The following KRT86 variants were observed in gnomAD, a reference collection of about 807,000 sequenced individuals.
The protein encoded by KRT86 is keratin, type II cuticular Hb6.
A neutral mutation model predicts 41.2 loss-of-function variants in KRT86; 30 were observed. The ratio of observed to expected loss-of-function variants is 0.73; its 90% confidence interval spans 0.54 to 0.99. The LOEUF (loss-of-function observed/expected upper bound fraction) is 0.99. Ranked by LOEUF, KRT86 falls within the 50% of genes least tolerant of loss-of-function variation. KRT86 has a pLI of 0.00. For synonymous variants in KRT86, 238 were observed against 238.1 expected, an observed-to-expected ratio of 1.00 and a Z score of 0.00; for missense variants, 561 against 571.4, an observed-to-expected ratio of 0.98 and a Z score of 0.19.
At position 52,302,078 on chromosome 12, in the gene KRT86, T is replaced by C. The variant is rs925276981; in HGVS notation, c.162T>C (p.Phe54=). The change falls in exon 3 of 11, where the codon TTT becomes TTC. Residue 54 remains phenylalanine (F), a synonymous_variant. Coordinates refer to ENST00000423955, the MANE Select transcript of KRT86 (RefSeq NM_001320198.2). The stretch of plus-strand genomic sequence containing the variant: ...GCAGCCACAGCGTGTGCGGAGGCTT[T>C]CGGGCCGGCTCCTGCGGACGCAGCT... ...GFGSHSVCGG[F]RAGSCGRSFG... The C allele has an allele frequency of 1.9e-6, 3 of 1,593,532 alleles. No individual in the cohort carries two copies. Among genetic ancestry groups the C allele is most frequent in the African/African-American group, 1.4e-5 (1 of 73,686 alleles).
chr12:52,286,690 C>T (rs1478680573), intron 2 of KRT86: 2 of 1,349,966 alleles, frequency 1.5e-6, no homozygotes, highest in African/African-American at 2.9e-5. Context: ...GATGCCAGCC[C>T]ACTCTTTTAT....
intron 2 of KRT86, among the ~76,000 whole-genome samples, chr12:52,294,982 C>T (rs7295468): frequency 0.27 from 40,886 of 152,070 alleles, 5,506 homozygotes; most frequent in South Asian, 0.33. Context: ...CATTGCATGG[C>T]TATACCACAG....
chr12:52,298,531 C>CT (rs1938300964), intron 2 of KRT86, among the ~76,000 whole-genome samples: 1 of 152,182 alleles, frequency 6.6e-6, no homozygotes, highest in East Asian at 1.9e-4. Context: ...ACAACAACAA[C>CT]TAATATGATT....
chr12:52,294,767 G>A (rs1462545797), intron 2 of KRT86, among the ~76,000 whole-genome samples: 3 of 152,130 alleles, frequency 2.0e-5, no homozygotes, highest in Admixed American at 2.0e-4. Context: ...CTCCTCTCTT[G>A]CATTTTGTGT....
At chr12:52,287,584 G>A in intron 2 of KRT86, 1 of 1,613,952 alleles carries the variant, frequency 6.2e-7, no homozygotes, top group Non-Finnish European at 8.5e-7. Flanking sequence ...CTTGCGCACA[G>A]ATGCCCCATA....
At chr12:52,288,523 C>A in intron 2 of KRT86, 2 of 1,567,970 alleles carry the variant, frequency 1.3e-6, no homozygotes, top group South Asian at 2.2e-5. Context: ...CCTCTCTCTG[C>A]CCATCCATTC....
chr12:52,308,491 T>A lies in KRT86; in HGVS notation c.1367T>A (p.Val456Asp), dbSNP rs749337520. ...APVVSTRVSS[V>D]PSNSNVVVGT... is the part of the protein sequence containing the mutation. ...GTTGTCTCCACCAGAGTCAGTAGCG[T>A]CCCCAGCAACAGCAACGTGGTGGTG... The change falls in exon 11 of 11, where the codon GTC (valine) becomes GAC (aspartate). Residue 456 changes from valine (V) to aspartate (D), a missense_variant. Physicochemically the swap from Val to Asp is radical, Grantham distance 152. This residue lies in a region of KRT86 where 397 missense variants were observed against 375.9 expected (regional missense o/e 1.06). Transcript: ENST00000423955. 79 of 1,609,388 alleles carry A rather than the reference T, an allele frequency of 4.9e-5. No individual in the cohort carries two copies. The East Asian group carries it at 9.4e-4, about 19-fold the overall frequency.
chr12:52,288,278 T>G, intron 2 of KRT86: 1 of 1,604,556 alleles, frequency 6.2e-7, no homozygotes, highest in East Asian at 2.2e-5. Flanking sequence ...CTGCAACCTC[T>G]ACCCACATCC....
At chr12:52,288,374 C>T (rs148570041) in intron 2 of KRT86, 107 of 1,614,036 alleles carry the variant, frequency 6.6e-5, no homozygotes, top group Non-Finnish European at 8.4e-5. Context: ...CTCATACAGC[C>T]GCCTCAGGAA....
intron 2 of KRT86, 32 bp downstream of exon 2, chr12:52,275,978 G>C: frequency 1.0e-6 from 1 of 985,884 alleles, no homozygotes; most frequent in Non-Finnish European, 1.2e-6. Flanking sequence ...CAACAGAGTG[G>C]CCATGGTGGG....
intron 2 of KRT86, chr12:52,287,485 T>A: frequency 1.2e-6 from 2 of 1,603,198 alleles, no homozygotes; most frequent in South Asian, 2.2e-5. Flanking sequence ...GGACTCTACA[T>A]GGACAAAGGG....
At chr12:52,276,083 G>C in intron 2 of KRT86, 137 bp downstream of exon 2, 3 of 909,298 alleles carry the variant, frequency 3.3e-6, no homozygotes, top group Non-Finnish European at 3.9e-6. Context: ...GCATACAGCA[G>C]TGCAGCTGCA....
At chr12:52,307,441 G>A (rs1234537593) in intron 9 of KRT86, among the ~76,000 whole-genome samples, 1 of 152,230 alleles carries the variant, frequency 6.6e-6, no homozygotes, top group Non-Finnish European at 1.5e-5. Context: ...TGATTTGATG[G>A]TGGCCATGGC....
chr12:52,287,884 C>A, intron 2 of KRT86: 1 of 1,606,922 alleles, frequency 6.2e-7, no homozygotes, highest in Non-Finnish European at 8.5e-7. Flanking sequence ...CTCTTCTCAT[C>A]CCTAGGGACC....
chr12:52,291,301 C>T (rs1347981574), intron 2 of KRT86: 1 of 1,542,564 alleles, frequency 6.5e-7, no homozygotes, highest in Admixed American at 2.0e-5. Context: ...AGGAGCCGGC[C>T]CGAAAGCCTC....
chr12:52,287,029 C>A, intron 2 of KRT86: 1 of 1,610,650 alleles, frequency 6.2e-7, no homozygotes, highest in Non-Finnish European at 8.5e-7. Context: ...GGCCATTGCT[C>A]AGCCAAGGCC....
In KRT86 at chr12:52,288,392, T is replaced by C. The variant is rs763213095; in HGVS notation, c.-5+12446T>C. 10 of 1,614,132 alleles carry C rather than the reference T, an allele frequency of 6.2e-6. No individual in the cohort carries two copies. The South Asian group carries it at 9.9e-5, about 16-fold the overall frequency. On this transcript the variant is annotated intron_variant, in intron 2 of 10. Transcript: ENST00000423955. ...ATACAGCCGCCTCAGGAAGTCGATC[T>C]CCTGGATCAGGGCCTCCACGTTGGC...
intron 2 of KRT86, among the ~76,000 whole-genome samples, chr12:52,293,461 G>A (rs1264220986): frequency 6.6e-6 from 1 of 152,172 alleles, no homozygotes; most frequent in Non-Finnish European, 1.5e-5. Context: ...GGTAGTGAAA[G>A]TTGTTTACAG....
intron 2 of KRT86, chr12:52,286,759 A>C: frequency 2.5e-6 from 4 of 1,608,838 alleles, no homozygotes; most frequent in Non-Finnish European, 3.4e-6. Context: ...GGTAGTTAGT[A>C]AATCTGTCCA....
Sources: gnomAD v4.1 joint callset for allele counts (sites outside exome capture counted in the v4.1 genomes callset) on GRCh38, gnomAD v4.1.1 for gene constraint, gnomAD v4.1.1 regional missense constraint, MANE v1.5 for transcripts, NCBI Gene and HGNC (gene_info 2026-07-23, HGNC 2026-07-21) for gene names.